C5AR2: variants seen among roughly 807,000 people sequenced by gnomAD.
The protein encoded by C5AR2 is C5a anaphylatoxin chemotactic receptor 2.
For synonymous variants in C5AR2, 224 were observed against 216.5 expected, an observed-to-expected ratio of 1.03 and a Z score of -0.30; for missense variants, 458 against 467.5, an observed-to-expected ratio of 0.98 and a Z score of 0.19.
rs189338347 is a variant in C5AR2 at position 47,334,437 on chromosome 19, C to T, written c.-16+2088C>T. 2.3e-3 allele frequency among the ~76,000 whole-genome samples: 335 copies of T among 146,490 alleles called. 2 individuals carry two copies. The highest frequency in any genetic ancestry group is 7.7e-3 in the African/African-American group (302 of 39,344). On this transcript the variant is annotated intron_variant, in intron 1 of 1. Coordinates refer to ENST00000595464, the MANE Select transcript of C5AR2 (RefSeq NM_001271749.2). ...CTTGAGCCCAGGAGTTTGAGATCAG[C>T]CTGGGCAACAGAGTAAGGGCTGTCC...
At chr19:47,338,678 A>AATAATG (rs1555808694) in intron 1 of C5AR2, among the ~76,000 whole-genome samples, 1 of 146,644 alleles carries the variant, frequency 6.8e-6, no homozygotes, top group African/African-American at 2.5e-5. Flanking sequence ...TAATAATAAT[A>AATAATG]ATAATAATAA....
chr19:47,337,439 G>A (rs567138443), intron 1 of C5AR2, among the ~76,000 whole-genome samples: 6 of 151,544 alleles, frequency 4.0e-5, no homozygotes, highest in South Asian at 2.1e-4. Context: ...TGAGGTGGGC[G>A]GATCACAAGG....
Position 47,343,793 on chromosome 19 carries a change from A to C in C5AR2, c.*1980A>C, listed in dbSNP as rs984438399. The C allele has an allele frequency of 1.1e-4, 17 of 151,914 alleles. No individual in the cohort carries two copies. Among genetic ancestry groups the C allele is most frequent in the Non-Finnish European group, 2.9e-5 (2 of 67,992 alleles). 9.4% of individuals were successfully genotyped at this position (151,914 alleles called of 1,614,324 possible). On this transcript the variant is annotated 3_prime_UTR_variant, in exon 2 of 2. Coordinates refer to ENST00000595464, the MANE Select transcript of C5AR2 (RefSeq NM_001271749.2). ...GTGGAGTTTGCAGTGAGCTTAGATC[A>C]CACCGCTGCACTCCAGCCTGGATGT...
Position 47,341,861 on chromosome 19 carries a change from A to C in C5AR2, c.*48A>C. ...GTATCTTCTTATCTCATTTCACAAG[A>C]CTGGCTTCAGGCATAGCTGGATCCA... On this transcript the variant is annotated 3_prime_UTR_variant, in exon 2 of 2. Coordinates refer to ENST00000595464, the MANE Select transcript of C5AR2 (RefSeq NM_001271749.2). This position sits in a 1 kb window ranked among gnomAD's most constrained non-coding sequence, Gnocchi z 4.6. The C allele has an allele frequency of 6.4e-7, 1 of 1,559,498 alleles. No homozygotes were observed. The highest frequency in any genetic ancestry group is 8.8e-7 in the Non-Finnish European group (1 of 1,137,172).
Position 47,341,444 on chromosome 19 carries a change from C to A in C5AR2, c.645C>A (p.Ala215=). The A allele has an allele frequency of 6.2e-7, 1 of 1,611,842 alleles. No individual in the cohort carries two copies. The highest frequency in any genetic ancestry group is 1.1e-5 in the South Asian group (1 of 91,072). The change falls in exon 2 of 2, where the codon GCC becomes GCA. Residue 215 remains alanine, a synonymous_variant. Transcript: ENST00000595464. The surrounding 1 kb of genome is among the most constrained non-coding windows in gnomAD (Gnocchi z 4.6). ...TTGGCTTCCTGGGGCCCCTGGTGGC[C>A]GTGGCCAGCTGCCACAGTGCCCTCC... ...FLFGFLGPLV[A]VASCHSALLC... is the part of the protein sequence containing the mutation.
rs537193803 is a variant in C5AR2, at chr19:47,332,800, C to T, written c.-16+451C>T. Among the ~76,000 whole-genome samples, 25 of 151,560 alleles carry T rather than the reference C, an allele frequency of 1.6e-4. No individual in the cohort carries two copies. The East Asian group carries it at 3.6e-3, about 22-fold the overall frequency. On this transcript the variant is annotated intron_variant, in intron 1 of 1. Transcript: ENST00000595464. ...AACTCCCGACCTCAGGTGATCTGTC[C>T]GCCTTGGCCTCCCAAAGTGCTGGGA... is the stretch of plus-strand genomic sequence containing the variant.
At chr19:47,336,493 CTTTCTTT>C (rs1568668434) in intron 1 of C5AR2, among the ~76,000 whole-genome samples, 1 of 132,252 alleles carries the variant, frequency 7.6e-6, no homozygotes, top group Admixed American at 7.8e-5. Context: ...TCCTTCCTTT[CTTTCTTT>C]CTTTCTTTCT....
intron 1 of C5AR2, among the ~76,000 whole-genome samples, chr19:47,333,280 C>A (rs532867559): frequency 6.6e-6 from 1 of 152,294 alleles, no homozygotes; most frequent in Admixed American, 6.5e-5. Flanking sequence ...GCTGGGATTA[C>A]AGGCGTGAAT....
At position 47,341,477 on chromosome 19, in the gene C5AR2, G is replaced by T; in HGVS notation, c.678G>T (p.Trp226Cys). 6.2e-7 allele frequency: 1 copy of T among 1,611,838 alleles called. No homozygotes were observed. The highest frequency in any genetic ancestry group is 8.5e-7 in the Non-Finnish European group (1 of 1,179,824). The change falls in exon 2 of 2, where the codon TGG becomes TGT. Residue 226 changes from tryptophan (W) to cysteine (C), a missense_variant. Trp to Cys is a radical substitution (Grantham distance 215, BLOSUM62 -2). Transcript: ENST00000595464. This position sits in a 1 kb window ranked among gnomAD's most constrained non-coding sequence, Gnocchi z 4.6. The stretch of plus-strand genomic sequence containing the variant: ...GCTGCCACAGTGCCCTCCTGTGCTG[G>T]GCAGCCCGACGCTGCCGGCCGCTGG... ...VASCHSALLC[W>C]AARRCRPLGT... is the part of the protein sequence containing the mutation.
Position 47,344,440 on chromosome 19 carries a change from G to T in C5AR2, c.*2627G>T, listed in dbSNP as rs1462145550. The T allele has an allele frequency of 2.6e-5, 4 of 152,110 alleles. No homozygotes were observed. The highest frequency in any genetic ancestry group is 5.9e-5 in the Non-Finnish European group (4 of 68,044). The allele number at this position is 152,110 out of a possible 1,614,324, so 9.4% of individuals were successfully genotyped here. On this transcript the variant is annotated 3_prime_UTR_variant, in exon 2 of 2. Coordinates refer to ENST00000595464, the MANE Select transcript of C5AR2 (RefSeq NM_001271749.2). ...CTTCACATATAGTTTCTCCTTTAAGGTCATTCTCACAACAGCCCAGGGAGA... is the reference window on the plus strand; with the variant it reads ...CTTCACATATAGTTTCTCCTTTAAGTTCATTCTCACAACAGCCCAGGGAGA...
At chr19:47,335,771 C>CAAAAAAA (rs768761019) in intron 1 of C5AR2, among the ~76,000 whole-genome samples, 2,209 of 23,018 alleles carry the variant, frequency 0.096, 1,027 homozygotes, top group Non-Finnish European at 0.11. Context: ...TACTCCGTCT[C>CAAAAAAA]AAAAAAAAAA....
rs1486497538 is a variant in C5AR2, at chr19:47,341,033, G to A, written c.234G>A (p.Val78=). 6.2e-7 allele frequency: 1 copy of A among 1,607,552 alleles called. No individual in the cohort carries two copies. Among genetic ancestry groups the A allele is most frequent in the Non-Finnish European group, 8.5e-7 (1 of 1,179,934 alleles). ...VGATWLLHLA[V]ADLLCCLSLP... ...CCACCTGGTTGCTCCACCTGGCCGT[G>A]GCGGATTTGCTGTGCTGTTTGTCTC... The change falls in exon 2 of 2, where the codon GTG becomes GTA. Residue 78 remains valine (V), a synonymous_variant. Transcript: ENST00000595464. The surrounding 1 kb of genome is among the most constrained non-coding windows in gnomAD (Gnocchi z 4.6).
rs573473020 is a variant in C5AR2 at position 47,335,203 on chromosome 19, C to T, written c.-16+2854C>T. 3.3e-5 allele frequency among the ~76,000 whole-genome samples: 5 copies of T among 152,052 alleles called. No individual in the cohort carries two copies. The South Asian group carries it at 8.3e-4, about 25-fold the overall frequency. On this transcript the variant is annotated intron_variant, in intron 1 of 1. Transcript: ENST00000595464. ...AGCTTCTGCACCTGGCCCTGTTTCT[C>T]ATTATTCTCCTTACCATTGTTATTG...
chr19:47,341,167 T>C lies in C5AR2; in HGVS notation c.368T>C (p.Leu123Pro). 1 of 1,601,132 alleles carries C rather than the reference T, an allele frequency of 6.2e-7. No individual in the cohort carries two copies. Among genetic ancestry groups the C allele is most frequent in the Non-Finnish European group, 8.5e-7 (1 of 1,179,884 alleles). Residue 123 changes from leucine (L) to proline (P), a missense_variant, in exon 2 of 2, where the codon CTG becomes CCG. By Grantham distance (98) the Leu-to-Pro change is moderately conservative. Coordinates refer to ENST00000595464, the MANE Select transcript of C5AR2 (RefSeq NM_001271749.2). The surrounding 1 kb of genome is among the most constrained non-coding windows in gnomAD (Gnocchi z 4.6). ...CTGCTGACCATGTATGCCAGCGTCC[T>C]GCTCCTGGCAGCTCTCAGTGCCGAC... The part of the protein sequence containing the change: ...IILLTMYASV[L>P]LLAALSADLC...
intron 1 of C5AR2, among the ~76,000 whole-genome samples, chr19:47,332,834 G>T (rs56081636): frequency 0.41 from 61,825 of 151,852 alleles, 15,692 homozygotes; most frequent in Non-Finnish European, 0.56. Flanking sequence ...GATTACAGGC[G>T]TGAGCCACTG....
In C5AR2 at chr19:47,341,609, G is replaced by A; in HGVS notation, c.810G>A (p.Leu270=). 6.2e-7 allele frequency: 1 copy of A among 1,613,936 alleles called. No homozygotes were observed. ...APNSALLARA[L]RAEPLIVGLA... is the part of the protein sequence containing the mutation. ...ACTCCGCACTCCTGGCCAGGGCCCT[G>A]CGGGCTGAACCCCTCATCGTGGGCC... Residue 270 remains leucine (L), a synonymous_variant, in exon 2 of 2, where the codon CTG becomes CTA. Coordinates refer to ENST00000595464, the MANE Select transcript of C5AR2 (RefSeq NM_001271749.2). This position sits in a 1 kb window ranked among gnomAD's most constrained non-coding sequence, Gnocchi z 4.6.
intron 1 of C5AR2, among the ~76,000 whole-genome samples, chr19:47,340,040 A>G (rs2059376128): frequency 6.6e-6 from 1 of 151,000 alleles, no homozygotes; most frequent in South Asian, 2.1e-4. Context: ...AAGCTCACTC[A>G]ATCTCCTGGG....
intron 1 of C5AR2, among the ~76,000 whole-genome samples, chr19:47,336,710 T>C (rs1284775636): frequency 1.3e-5 from 2 of 151,826 alleles, no homozygotes; most frequent in Admixed American, 1.3e-4. Flanking sequence ...GGTCTCACTG[T>C]GTTGCCTAGG....
intron 1 of C5AR2, chr19:47,337,124 AC>A (rs1250940459): frequency 2.0e-5 from 3 of 152,510 alleles, no homozygotes; most frequent in African/African-American, 7.2e-5. Flanking sequence ...CCTGTGTGCC[AC>A]GTGCTGGACA....
Sources: gnomAD v4.1 joint callset for allele counts (sites outside exome capture counted in the v4.1 genomes callset) on GRCh38, gnomAD v4.1.1 for gene constraint, Gnocchi (gnomAD v3.1) non-coding constraint, MANE v1.5 for transcripts, NCBI Gene and HGNC (gene_info 2026-07-23, HGNC 2026-07-21) for gene names.